The following NRG1 variants were observed in gnomAD, a reference collection of about 807,000 sequenced individuals.
The protein encoded by NRG1 is pro-neuregulin-1, membrane-bound isoform.
A neutral mutation model predicts 63.8 loss-of-function variants in NRG1; 18 were observed. That is an observed-to-expected ratio of 0.28 (90% CI 0.19 to 0.42). NRG1 has a LOEUF of 0.42. Ranked by LOEUF, NRG1 falls within the 10% of genes least tolerant of loss-of-function variation. NRG1 has a pLI of 1.00. For synonymous variants in NRG1, 302 were observed against 301.3 expected, an observed-to-expected ratio of 1.00 and a Z score of -0.02; for missense variants, 762 against 814.7, an observed-to-expected ratio of 0.94 and a Z score of 0.79.
chr8:32,005,083 G>GA (rs919092334), intron 1 of NRG1, among the ~76,000 whole-genome samples: 3 of 150,686 alleles, frequency 2.0e-5, no homozygotes, highest in Admixed American at 6.7e-5. Flanking sequence ...AGGGAAAGAG[G>GA]AAGAAATAAA....
At chr8:32,170,871 C>T (rs79945917) in intron 1 of NRG1, among the ~76,000 whole-genome samples, 1,922 of 152,222 alleles carry the variant, frequency 0.013, 50 homozygotes, top group African/African-American at 0.044. Flanking sequence ...ATTGCAAAAC[C>T]GCAGCTACTT....
chr8:32,062,330 C>T (rs1300840547), intron 1 of NRG1, among the ~76,000 whole-genome samples: 1 of 152,072 alleles, frequency 6.6e-6, no homozygotes, highest in Non-Finnish European at 1.5e-5. Context: ...GTTTGTCTTG[C>T]TACTGAATCA....
intron 1 of NRG1, among the ~76,000 whole-genome samples, chr8:32,495,677 G>A (rs1221901444): frequency 6.6e-6 from 1 of 152,104 alleles, no homozygotes; most frequent in Non-Finnish European, 1.5e-5. Context: ...TGGCCAGGCT[G>A]GTCTCGAACC....
intron 1 of NRG1, among the ~76,000 whole-genome samples, chr8:32,466,318 C>A (rs1823058468): frequency 6.7e-6 from 1 of 149,802 alleles, no homozygotes; most frequent in Non-Finnish European, 1.5e-5. Context: ...CAGAGTGAGA[C>A]CCTATTTCAA....
chr8:32,209,561 T>C (rs906254410), intron 1 of NRG1, among the ~76,000 whole-genome samples: 1 of 152,174 alleles, frequency 6.6e-6, no homozygotes, highest in Non-Finnish European at 1.5e-5. Flanking sequence ...AAAATAAGCA[T>C]AGAAGAGGGT....
At chr8:32,553,315 T>A (rs1335453660) in intron 1 of NRG1, among the ~76,000 whole-genome samples, 1 of 152,184 alleles carries the variant, frequency 6.6e-6, no homozygotes, top group Non-Finnish European at 1.5e-5. Context: ...TAAAACTACT[T>A]AAGAAATGAA....
intron 3 of NRG1, 117 bp from the exon 4 acceptor site, chr8:32,614,397 A>G: frequency 2.2e-6 from 2 of 903,768 alleles, no homozygotes; most frequent in Non-Finnish European, 1.8e-6. Context: ...GACTTTTCTC[A>G]CTCCCTTGCA....
At chr8:32,553,276 T>A (rs1834494131) in intron 1 of NRG1, among the ~76,000 whole-genome samples, 1 of 152,184 alleles carries the variant, frequency 6.6e-6, no homozygotes, top group Non-Finnish European at 1.5e-5. Context: ...CAACATGTAA[T>A]AAGTGCCCAG....
intron 1 of NRG1, chr8:32,026,073 CTT>C (rs34251126): frequency 1.0e-3 from 121 of 119,484 alleles, no homozygotes; most frequent in Middle Eastern, 4.2e-3. Flanking sequence ...ATCTTTTTTT[CTT>C]TTTTTTTTTT....
chr8:32,094,207 A>T (rs571860210), intron 1 of NRG1, among the ~76,000 whole-genome samples: 1 of 152,340 alleles, frequency 6.6e-6, no homozygotes, highest in South Asian at 2.1e-4. Context: ...GAATGGAATG[A>T]AAGCCCAAAC....
At chr8:31,985,976 C>T (rs1809990797) in intron 1 of NRG1, among the ~76,000 whole-genome samples, 2 of 151,942 alleles carry the variant, frequency 1.3e-5, no homozygotes, top group South Asian at 2.1e-4. Flanking sequence ...ATTGCATCAA[C>T]TCTTTTAGCA....
chr8:32,332,103 T>C (rs937395817), intron 1 of NRG1, among the ~76,000 whole-genome samples: 1 of 151,940 alleles, frequency 6.6e-6, no homozygotes, highest in Non-Finnish European at 1.5e-5. Flanking sequence ...CTGGGCAGCA[T>C]AGCAAGACCC....
At position 32,742,153 on chromosome 8, in the gene NRG1, C is replaced by A; in HGVS notation, c.633-522C>A. On this transcript the variant is annotated intron_variant, in intron 6 of 11. Transcript: ENST00000356819. This position sits in a 1 kb window ranked among gnomAD's most constrained non-coding sequence, Gnocchi z 4.2. ...ACTACCACTTGGTGCTTTTACAGCT[C>A]AGTCGTAACTGATTCATTTTGTTCT... 8.9e-7 allele frequency: 1 copy of A among 1,121,938 alleles called. No individual in the cohort carries two copies. The highest frequency in any genetic ancestry group is 1.4e-6 in the Non-Finnish European group (1 of 736,854). The allele number at this position is 1,121,938 out of a possible 1,614,324, so 69.5% of individuals were successfully genotyped here.
At chr8:31,653,786 T>A (rs546663820) in intron 1 of NRG1, among the ~76,000 whole-genome samples, 1 of 152,356 alleles carries the variant, frequency 6.6e-6, no homozygotes, top group South Asian at 2.1e-4. Context: ...TCTTGTTTCA[T>A]TTGATATCAC....
At chr8:31,762,129 A>T (rs1270411515) in intron 1 of NRG1, among the ~76,000 whole-genome samples, 1 of 152,226 alleles carries the variant, frequency 6.6e-6, no homozygotes, top group Non-Finnish European at 1.5e-5. Flanking sequence ...TGTGCAGAAC[A>T]TGCAAGTTGG....
intron 1 of NRG1, among the ~76,000 whole-genome samples, chr8:31,680,292 T>TAG (rs1808188344): frequency 1.0e-5 from 1 of 96,222 alleles, no homozygotes; most frequent in African/African-American, 4.1e-5. Flanking sequence ...CCCTCTCCCC[T>TAG]CCCCCCACCC....
At chr8:32,130,725 A>G (rs1834704404) in intron 1 of NRG1, among the ~76,000 whole-genome samples, 1 of 151,996 alleles carries the variant, frequency 6.6e-6, no homozygotes, top group Admixed American at 6.6e-5. Flanking sequence ...TTCAAATGCC[A>G]TCCCTTTGGG....
chr8:32,268,635 G>C (rs1045600421), intron 1 of NRG1, among the ~76,000 whole-genome samples: 1 of 127,568 alleles, frequency 7.8e-6, no homozygotes, highest in Admixed American at 7.5e-5. Context: ...TCATGACACA[G>C]GGGGTTGTTT....
intron 1 of NRG1, chr8:32,026,484 G>C (rs1321733487): frequency 2.0e-5 from 3 of 151,930 alleles, no homozygotes; most frequent in African/African-American, 7.3e-5. Flanking sequence ...TCATGCCTTG[G>C]GCGCATATAA....
Sources: gnomAD v4.1 joint callset for allele counts (sites outside exome capture counted in the v4.1 genomes callset) on GRCh38, gnomAD v4.1.1 for gene constraint, Gnocchi (gnomAD v3.1) non-coding constraint, MANE v1.5 for transcripts, NCBI Gene and HGNC (gene_info 2026-07-23, HGNC 2026-07-21) for gene names.